The following SMG6 variants were observed in gnomAD, a reference collection of about 807,000 sequenced individuals.
SMG6 encodes SMG6 nonsense mediated mRNA decay factor.
In SMG6, 66 loss-of-function variants were observed where a neutral mutation model predicts 142.2. The ratio of observed to expected loss-of-function variants is 0.46; its 90% CI spans 0.38 to 0.57. The LOEUF is 0.57. SMG6 is among the 20% of genes least tolerant of loss of function. SMG6 has a pLI of 0.00. For synonymous variants in SMG6, 779 were observed against 702.4 expected (o/e 1.11, Z -1.72); for missense variants, 1,793 against 1,832.0 (o/e 0.98, Z 0.39).
chr17:2,198,095 G>A (rs1004203218), intron 10 of SMG6, among the ~76,000 whole-genome samples: 4 of 152,178 alleles, frequency 2.6e-5, no homozygotes, highest in Non-Finnish European at 5.9e-5. Context: ...TCTTTCCACA[G>A]GTGAATGGTT....
chr17:2,184,363 GA>G (rs59286755), intron 12 of SMG6, among the ~76,000 whole-genome samples: 4,328 of 135,660 alleles, frequency 0.032, 145 homozygotes, highest in African/African-American at 0.089. Context: ...ACTCTGGGGG[GA>G]AAAAAAAAAA....
intron 8 of SMG6, among the ~76,000 whole-genome samples, chr17:2,257,001 A>G (rs1597724276): frequency 6.6e-6 from 1 of 151,780 alleles, no homozygotes; most frequent in Non-Finnish European, 1.5e-5. Flanking sequence ...TTTGAGACGG[A>G]GTCTCACTCT....
chr17:2,289,552 A>C (rs527786665), intron 6 of SMG6, among the ~76,000 whole-genome samples: 2 of 152,238 alleles, frequency 1.3e-5, no homozygotes, highest in South Asian at 2.1e-4. Context: ...GTGCGATCCT[A>C]TCTCTTAAAT....
intron 8 of SMG6, among the ~76,000 whole-genome samples, chr17:2,251,065 G>A (rs1319735608): frequency 6.6e-6 from 1 of 151,548 alleles, no homozygotes; most frequent in African/African-American, 2.4e-5. Context: ...GGCCTATGAA[G>A]GTTCCAGGAG....
In SMG6 at chr17:2,085,927, A is replaced by C; in HGVS notation, c.3358-26T>G. On this transcript the variant is annotated intron_variant, in intron 13 of 18. Coordinates refer to ENST00000263073, the MANE Select transcript of SMG6 (RefSeq NM_017575.5). This position sits in a 1 kb window ranked among gnomAD's most constrained non-coding sequence, Gnocchi z 4.1. Reference sequence around the variant, plus strand: ...CTACAGGGTGAGAGGGAGAGAAGAAAAACAGCATTTTCTGAAAGGGAAGAT... The same window carrying C: ...CTACAGGGTGAGAGGGAGAGAAGAACAACAGCATTTTCTGAAAGGGAAGAT... The C allele has an allele frequency of 6.2e-7, 1 of 1,610,536 alleles. No individual in the cohort carries two copies. The highest frequency in any genetic ancestry group is 8.5e-7 in the Non-Finnish European group (1 of 1,177,604).
intron 10 of SMG6, among the ~76,000 whole-genome samples, chr17:2,211,198 A>G (rs2072849990): frequency 1.3e-5 from 2 of 152,120 alleles, no homozygotes; most frequent in Non-Finnish European, 1.5e-5. Flanking sequence ...AAAGAAGTTA[A>G]CAATCATAAA....
intron 10 of SMG6, among the ~76,000 whole-genome samples, chr17:2,235,081 T>A (rs542510793): frequency 6.6e-6 from 1 of 152,316 alleles, no homozygotes; most frequent in South Asian, 2.1e-4. Flanking sequence ...TCCTACTTGG[T>A]AGCAGACTGT....
At chr17:2,238,565 G>A (rs1277810023) in intron 9 of SMG6, among the ~76,000 whole-genome samples, 5 of 152,176 alleles carry the variant, frequency 3.3e-5, no homozygotes, top group South Asian at 2.1e-4. Flanking sequence ...GAATAGCAGC[G>A]TTCACTCTGC....
intron 13 of SMG6, among the ~76,000 whole-genome samples, chr17:2,171,144 G>A (rs2071489495): frequency 1.3e-5 from 2 of 151,884 alleles, no homozygotes; most frequent in South Asian, 2.1e-4. Flanking sequence ...TATGAAGGTG[G>A]GTGCCTGTAG....
intron 8 of SMG6, among the ~76,000 whole-genome samples, chr17:2,257,812 G>T (rs949480359): frequency 6.6e-6 from 1 of 151,234 alleles, no homozygotes; most frequent in African/African-American, 2.4e-5. Context: ...AAGAGCTCGA[G>T]ACCAGCCTGA....
At chr17:2,171,081 C>G (rs2071487794) in intron 13 of SMG6, among the ~76,000 whole-genome samples, 1 of 151,958 alleles carries the variant, frequency 6.6e-6, no homozygotes, top group South Asian at 2.1e-4. Flanking sequence ...TTGAGACCAG[C>G]CTGGCAACAT....
At chr17:2,235,516 G>A (rs938232979) in intron 10 of SMG6, among the ~76,000 whole-genome samples, 1 of 152,102 alleles carries the variant, frequency 6.6e-6, no homozygotes, top group African/African-American at 2.4e-5. Flanking sequence ...ATGAAAAGGG[G>A]CAACAAGAGA....
intron 13 of SMG6, among the ~76,000 whole-genome samples, chr17:2,107,247 G>GCAGGGATCTAGACCTC (rs1465164756): frequency 2.8e-4 from 43 of 152,096 alleles, no homozygotes; most frequent in Non-Finnish European, 1.2e-4. Flanking sequence ...GTCAGGCAGG[G>GCAGGGATCTAGACCTC]CAGGGATCTA....
intron 8 of SMG6, among the ~76,000 whole-genome samples, chr17:2,252,437 T>C (rs1172508105): frequency 6.6e-6 from 1 of 151,920 alleles, no homozygotes; most frequent in Non-Finnish European, 1.5e-5. Flanking sequence ...GCCACGAATA[T>C]GTTCAGTATT....
chr17:2,226,270 C>T (rs1433918095), intron 10 of SMG6, among the ~76,000 whole-genome samples: 9 of 103,142 alleles, frequency 8.7e-5, no homozygotes, highest in Non-Finnish European at 1.6e-4. Flanking sequence ...AGTGAAACTC[C>T]GTCTCAAAAA....
chr17:2,270,112 T>C (rs769526527), intron 8 of SMG6, among the ~76,000 whole-genome samples: 18 of 151,744 alleles, frequency 1.2e-4, no homozygotes, highest in Non-Finnish European at 2.2e-4. Context: ...ATACAAATAC[T>C]AGACAAAATT....
chr17:2,074,238 GC>G (rs58083648), intron 15 of SMG6, among the ~76,000 whole-genome samples: 148,488 of 151,966 alleles, frequency 0.98, 72,505 homozygotes, highest in African/African-American at 0.99. Flanking sequence ...CACCATGCCC[GC>G]GCTTCTGATT....
chr17:2,142,623 C>T (rs1291370615), intron 13 of SMG6, among the ~76,000 whole-genome samples: 1 of 152,110 alleles, frequency 6.6e-6, no homozygotes, highest in East Asian at 1.9e-4. Flanking sequence ...GTGGCTCACG[C>T]CTGTAATCCC....
At chr17:2,254,972 T>A (rs1394554721) in intron 8 of SMG6, among the ~76,000 whole-genome samples, 1 of 152,130 alleles carries the variant, frequency 6.6e-6, no homozygotes, top group Non-Finnish European at 1.5e-5. Context: ...AGTCACGTCC[T>A]GGTGTGTCTT....
Sources: gnomAD v4.1 joint callset for allele counts (sites outside exome capture counted in the v4.1 genomes callset) on GRCh38, gnomAD v4.1.1 for gene constraint, Gnocchi (gnomAD v3.1) non-coding constraint, MANE v1.5 for transcripts, NCBI Gene and HGNC (gene_info 2026-07-23, HGNC 2026-07-21) for gene names.